Variants in SPINK5 observed in about 807,000 individuals in gnomAD.
The protein encoded by SPINK5 is serine peptidase inhibitor Kazal type 5, also known as serine protease inhibitor Kazal-type 5.
SPINK5 carries 125 observed loss-of-function variants against 151.8 expected under a neutral mutation model. The observed-to-expected ratio is 0.82, with a 90% CI of 0.71 to 0.96. The LOEUF (loss-of-function observed/expected upper bound fraction) is 0.96, where lower values mean the gene tolerates loss of function less well. Ranked by LOEUF, SPINK5 falls within the 40% of genes least tolerant of loss-of-function variation. The pLI is 0.00. For missense variants in SPINK5, 1,194 were observed against 1,291.9 expected, an observed-to-expected ratio of 0.92 and a Z score of 1.16; for synonymous variants, 374 against 395.3, an observed-to-expected ratio of 0.95 and a Z score of 0.64.
intron 23 of SPINK5, 128 bp from the exon 24 acceptor site, chr5:148,118,858 C>A: frequency 2.0e-6 from 2 of 999,490 alleles, no homozygotes; most frequent in Non-Finnish European, 3.1e-6. Flanking sequence ...TTGTCACGGC[C>A]ATTTGGAATC....
At position 148,070,318 on chromosome 5, in the gene SPINK5, C is replaced by T. The variant is rs1160558084; in HGVS notation, c.82-5C>T. The T allele has an allele frequency of 3.1e-6, 5 of 1,611,834 alleles. No individual in the cohort carries two copies. The highest frequency in any genetic ancestry group is 3.4e-6 in the Non-Finnish European group (4 of 1,178,766). ...GCTAACACAACTTTTTTGGCATTAT[C>T]TTAGGAAATGTGCCATGAATTTCAG... is the stretch of plus-strand genomic sequence containing the variant. On this transcript the variant is annotated splice_region_variant and splice_polypyrimidine_tract_variant and intron_variant, in intron 2 of 32. Transcript: ENST00000256084.
chr5:148,088,399 T>A (rs1753215692), intron 5 of SPINK5, 143 bp from the exon 6 acceptor site: 2 of 702,176 alleles, frequency 2.8e-6, no homozygotes, highest in Admixed American at 4.5e-5. Context: ...GTGACTTTTA[T>A]TAGAAAAAGT....
chr5:148,101,816 C>T lies in SPINK5; in HGVS notation c.1338C>T (p.Asn446=), dbSNP rs762550765. 1.4e-5 allele frequency: 23 copies of T among 1,613,616 alleles called. No homozygotes were observed. The highest frequency in any genetic ancestry group is 2.7e-5 in the African/African-American group (2 of 74,872). ...GTGAATACCGCAAATCCAGGAAAAA[C>T]GGACGGCTTTTTTGCACCAGAGAGA... is the stretch of plus-strand genomic sequence containing the variant. ...LCSEYRKSRK[N]GRLFCTREND... is the part of the protein sequence containing the mutation. The change falls in exon 15 of 33, where the codon AAC becomes AAT. Residue 446 remains asparagine, a synonymous_variant. Coordinates refer to ENST00000256084, the MANE Select transcript of SPINK5 (RefSeq NM_006846.4).
At chr5:148,100,630 T>C in intron 13 of SPINK5, 49 bp downstream of exon 13, 1 of 1,605,184 alleles carries the variant, frequency 6.2e-7, no homozygotes, top group Non-Finnish European at 8.5e-7. Flanking sequence ...TTGTTCTTTC[T>C]ATTTCATTTC....
At chr5:148,119,497 T>C (rs766683731) in intron 24 of SPINK5, among the ~76,000 whole-genome samples, 7 of 152,298 alleles carry the variant, frequency 4.6e-5, no homozygotes, top group East Asian at 3.9e-4. Context: ...AATGGTCTGA[T>C]TGTGATAAAA....
intron 6 of SPINK5, chr5:148,089,271 T>A: frequency 1.6e-6 from 1 of 609,138 alleles, no homozygotes; most frequent in East Asian, 3.6e-5. Flanking sequence ...TTCTGGCACA[T>A]AGTAGGTTAT....
Position 148,101,378 on chromosome 5 carries a change from A to AAAAG in SPINK5, c.1247_1250dup (p.Lys420ArgfsTer2). 1 of 1,611,838 alleles carries AAAAG rather than the reference A, an allele frequency of 6.2e-7. No individual in the cohort carries two copies. Among genetic ancestry groups the AAAAG allele is most frequent in the Non-Finnish European group, 8.5e-7 (1 of 1,178,126 alleles). On this transcript the variant is annotated frameshift_variant, in exon 14 of 33. Transcript: ENST00000256084. LOFTEE classifies it high-confidence loss of function. ...AGCCAAGCAGAAGAAGAAGAAAAGA[A>AAAAG]AAAGAAGGAAGGTAAATCAAGAAAC... is the stretch of plus-strand genomic sequence containing the variant.
intron 4 of SPINK5, among the ~76,000 whole-genome samples, chr5:148,082,228 C>T (rs934101941): frequency 2.7e-5 from 4 of 150,884 alleles, no homozygotes; most frequent in African/African-American, 9.7e-5. Context: ...GTGTTAATTC[C>T]TGTTTCTTTA....
intron 9 of SPINK5, 70 bp downstream of exon 9, chr5:148,094,551 A>G: frequency 1.2e-6 from 2 of 1,608,718 alleles, no homozygotes; most frequent in Non-Finnish European, 1.7e-6. Flanking sequence ...ATTGATGAGT[A>G]AAAATAACTT....
Position 148,070,338 on chromosome 5 carries a change from T to G in SPINK5, c.97T>G (p.Phe33Val). 1 of 1,612,502 alleles carries G rather than the reference T, an allele frequency of 6.2e-7. No individual in the cohort carries two copies. Among genetic ancestry groups the G allele is most frequent in the Non-Finnish European group, 8.5e-7 (1 of 1,179,068 alleles). Residue 33 changes from phenylalanine to valine, a missense_variant, in exon 3 of 33, where the codon TTT becomes GTT. Physicochemically the swap from Phe to Val is conservative, Grantham distance 50. Coordinates refer to ENST00000256084, the MANE Select transcript of SPINK5 (RefSeq NM_006846.4). ...ATTATCTTAGGAAATGTGCCATGAA[T>G]TTCAGGCATTTATGAAAAATGGAAA... ...KNEDQEMCHEFQAFMKNGKLF... is the reference protein window; with the variant it reads ...KNEDQEMCHEVQAFMKNGKLF...
Position 148,099,293 on chromosome 5 carries a change from C to T in SPINK5, c.1070C>T (p.Ser357Phe), listed in dbSNP as rs921948983. 1.2e-6 allele frequency: 2 copies of T among 1,612,256 alleles called. No homozygotes were observed. The highest frequency in any genetic ancestry group is 1.3e-5 in the African/African-American group (1 of 74,810). ...GCACGAGCTAGAAACAAAAGAGAAT[C>T]TGGAAAAGCAACCTCATATGCAGTG... The part of the protein sequence containing the change: ...AEARARNKRE[S>F]GKATSYAELC... The change falls in exon 12 of 33, where the codon TCT (serine) becomes TTT (phenylalanine). Residue 357 changes from serine to phenylalanine, a missense_variant. By Grantham distance (155) the Ser-to-Phe change is radical. Coordinates refer to ENST00000256084, the MANE Select transcript of SPINK5 (RefSeq NM_006846.4).
intron 10 of SPINK5, 87 bp from the exon 11 acceptor site, chr5:148,097,780 T>C: frequency 2.7e-6 from 3 of 1,102,544 alleles, no homozygotes; most frequent in South Asian, 2.9e-5. Context: ...TCATCCTTAA[T>C]TTCTCTTTTT....
At chr5:148,090,076 A>G (rs1753269543) in intron 7 of SPINK5, among the ~76,000 whole-genome samples, 2 of 151,886 alleles carry the variant, frequency 1.3e-5, no homozygotes, top group South Asian at 2.1e-4. Flanking sequence ...TAGCTTAAAA[A>G]GTGGAACGCG....
In SPINK5 at chr5:148,089,482, C is replaced by G. The variant is rs1460416567; in HGVS notation, c.475-12C>G. ...TCTTGGTAAGTTTCAAGTTCTTTTCCCTGTTCTTCAGGATGTATGCAGTGC... is the reference window on the plus strand; with the variant it reads ...TCTTGGTAAGTTTCAAGTTCTTTTCGCTGTTCTTCAGGATGTATGCAGTGC... On this transcript the variant is annotated splice_polypyrimidine_tract_variant and intron_variant, in intron 6 of 32. Coordinates refer to ENST00000256084, the MANE Select transcript of SPINK5 (RefSeq NM_006846.4). 6.2e-7 allele frequency: 1 copy of G among 1,611,292 alleles called. No homozygotes were observed. Among genetic ancestry groups the G allele is most frequent in the Admixed American group, 1.7e-5 (1 of 59,778 alleles).
intron 13 of SPINK5, 109 bp downstream of exon 13, chr5:148,100,690 G>A (rs1753617702): frequency 2.3e-6 from 3 of 1,282,094 alleles, no homozygotes; most frequent in East Asian, 5.0e-5. Flanking sequence ...AAAGAATTAA[G>A]GCATATTTAG....
In SPINK5 at chr5:148,137,172, C is replaced by T. The variant is rs1754716323; in HGVS notation, c.*181C>T. 2 of 759,240 alleles carry T rather than the reference C, an allele frequency of 2.6e-6. No individual in the cohort carries two copies. The highest frequency in any genetic ancestry group is 1.7e-5 in the African/African-American group (1 of 57,156). The allele number at this position is 759,240 out of a possible 1,614,324, so 47.0% of individuals were successfully genotyped here. On this transcript the variant is annotated 3_prime_UTR_variant, in exon 33 of 33. Transcript: ENST00000256084. ...TCTTTTCCATCTCTTTCCTCCTAGACTCTGTGATCTGAGGGTATAAAGACA... is the reference window on the plus strand; with the variant it reads ...TCTTTTCCATCTCTTTCCTCCTAGATTCTGTGATCTGAGGGTATAAAGACA...
chr5:148,128,901 A>G (rs1754503232), intron 30 of SPINK5, among the ~76,000 whole-genome samples: 1 of 152,224 alleles, frequency 6.6e-6, no homozygotes, highest in Admixed American at 6.5e-5. Context: ...TTCATAGTAT[A>G]TTGGAAAAGC....
At chr5:148,103,819 T>C (rs1479263031) in intron 15 of SPINK5, among the ~76,000 whole-genome samples, 1 of 152,200 alleles carries the variant, frequency 6.6e-6, no homozygotes, top group Non-Finnish European at 1.5e-5. Context: ...AAAGTTTTAG[T>C]TTGATCTATG....
chr5:148,112,884 G>T lies in SPINK5; in HGVS notation c.1837G>T (p.Glu613Ter). Residue 613 changes from glutamate (E) to a stop codon, truncating the protein, a stop_gained, in exon 20 of 33, where the codon GAA becomes TAA. Coordinates refer to ENST00000256084, the MANE Select transcript of SPINK5 (RefSeq NM_006846.4). LOFTEE classifies it high-confidence loss of function. ...CEAFFQQEAK[E>*]KERAEPRAKV... ...TTCTTATAGCCAGCAAGAAGCAAAA[G>T]AAAAAGAAAGAGCTGAACCCAGAGC... is the stretch of plus-strand genomic sequence containing the variant. 1 of 1,613,814 alleles carries T rather than the reference G, an allele frequency of 6.2e-7. No homozygotes were observed. The highest frequency in any genetic ancestry group is 8.5e-7 in the Non-Finnish European group (1 of 1,179,864).
Sources: allele counts gnomAD v4.1 joint callset (sites outside exome capture counted in the v4.1 genomes callset), GRCh38; gene constraint gnomAD v4.1.1; transcripts MANE v1.5; gene names NCBI Gene and HGNC (gene_info 2026-07-23, HGNC 2026-07-21).